Variants in UBQLN1 observed in about 807,000 individuals in gnomAD.
The protein encoded by UBQLN1 is ubiquilin-1.
UBQLN1 carries 13 observed loss-of-function variants against 65.4 expected under a neutral mutation model. That is an observed-to-expected ratio of 0.20 (90% CI 0.13 to 0.32). The LOEUF (loss-of-function observed/expected upper bound fraction) is 0.32, where lower values mean the gene tolerates loss of function less well. Among genes scored for constraint, UBQLN1 ranks in the 10% least tolerant of loss-of-function variants. The pLI is 1.00. For missense variants in UBQLN1, 561 were observed against 724.0 expected (o/e 0.77, Z 2.58); for synonymous variants, 267 against 247.8 (o/e 1.08, Z -0.73).
intron 1 of UBQLN1, among the ~76,000 whole-genome samples, chr9:83,695,201 CTTT>C (rs36072668): frequency 7.5e-6 from 1 of 133,444 alleles, no homozygotes; most frequent in Non-Finnish European, 1.6e-5. Flanking sequence ...GCCCTCCCAC[CTTT>C]TTTTTTTTTT....
At chr9:83,707,080 C>G (rs1832421637) in intron 1 of UBQLN1, among the ~76,000 whole-genome samples, 1 of 152,164 alleles carries the variant, frequency 6.6e-6, no homozygotes, top group African/African-American at 2.4e-5. Flanking sequence ...CCACCCACCC[C>G]TTTTTAATTC....
chr9:83,664,554 T>A (rs1376081288), intron 9 of UBQLN1, among the ~76,000 whole-genome samples: 1 of 151,410 alleles, frequency 6.6e-6, no homozygotes, highest in African/African-American at 2.4e-5. Flanking sequence ...AAGTTCAAGT[T>A]CAGCCAGGGT....
In UBQLN1 at chr9:83,707,611, A is replaced by C. The variant is rs892385855; in HGVS notation, c.69T>G (p.Ala23=). The change falls in exon 1 of 11, where the codon GCT becomes GCG. Residue 23 remains alanine (A), a synonymous_variant. Coordinates refer to ENST00000376395, the MANE Select transcript of UBQLN1 (RefSeq NM_013438.5). ...SQDSAAGAEG[A]GAPAAAASAE... Reference sequence around the variant, plus strand: ...CGGAGGCAGCGGCCGCGGGGGCGCCAGCACCTTCGGCTCCGGCGGCGCTAT... The same window carrying C: ...CGGAGGCAGCGGCCGCGGGGGCGCCCGCACCTTCGGCTCCGGCGGCGCTAT... 6.3e-7 allele frequency: 1 copy of C among 1,593,660 alleles called. No homozygotes were observed. Among genetic ancestry groups the C allele is most frequent in the South Asian group, 1.1e-5 (1 of 88,702 alleles).
At chr9:83,702,257 TAC>T (rs1338600423) in intron 1 of UBQLN1, among the ~76,000 whole-genome samples, 1 of 152,168 alleles carries the variant, frequency 6.6e-6, no homozygotes. Flanking sequence ...TTACATCAAT[TAC>T]AGACTTTAAA....
At chr9:83,669,831 C>A (rs1396660538) in intron 6 of UBQLN1, among the ~76,000 whole-genome samples, 2 of 152,300 alleles carry the variant, frequency 1.3e-5, no homozygotes, top group East Asian at 1.9e-4. Flanking sequence ...ATGGTAGGCA[C>A]ATTTAACATT....
At chr9:83,679,693 G>A (rs1831908242) in intron 4 of UBQLN1, 82 bp downstream of exon 4, 2 of 1,458,360 alleles carry the variant, frequency 1.4e-6, no homozygotes, top group Admixed American at 1.8e-5. Context: ...CATACATACA[G>A]GACAATCTCA....
chr9:83,703,764 C>T (rs191924424), intron 1 of UBQLN1, among the ~76,000 whole-genome samples: 1 of 152,240 alleles, frequency 6.6e-6, no homozygotes, highest in East Asian at 1.9e-4. Flanking sequence ...AAAGCTTAAG[C>T]TTTATTAGTA....
At chr9:83,669,100 C>T (rs946217151) in intron 7 of UBQLN1, 85 bp downstream of exon 7, 1 of 1,496,012 alleles carries the variant, frequency 6.7e-7, no homozygotes, top group South Asian at 1.3e-5. Flanking sequence ...TCATACACAA[C>T]ACAAATGTGC....
Position 83,700,655 on chromosome 9 carries a change from G to A in UBQLN1, c.180+6845C>T, listed in dbSNP as rs114242512. Among the ~76,000 whole-genome samples the A allele has an allele frequency of 1.5e-3, 235 of 152,306 alleles. 1 individual carries two copies. Among genetic ancestry groups the A allele is most frequent in the African/African-American group, 5.0e-3 (208 of 41,564 alleles). ...ACCTTTGCATTAAGATTTAAAGATG[G>A]AAAAGGAATGGGCAAAGAGTGTTCT... is the stretch of plus-strand genomic sequence containing the variant. On this transcript the variant is annotated intron_variant, in intron 1 of 10. Transcript: ENST00000376395.
intron 10 of UBQLN1, among the ~76,000 whole-genome samples, chr9:83,662,271 T>TACACACAC (rs545130983): frequency 8.8e-5 from 9 of 102,250 alleles, no homozygotes; most frequent in African/African-American, 3.6e-4. Flanking sequence ...TACATATACA[T>TACACACAC]ATACACACAC....
At chr9:83,703,020 T>G (rs1289704132) in intron 1 of UBQLN1, among the ~76,000 whole-genome samples, 1 of 152,108 alleles carries the variant, frequency 6.6e-6, no homozygotes, top group Admixed American at 6.5e-5. Context: ...ATAAGCTAAT[T>G]AGAAGTTACA....
At chr9:83,665,785 T>G (rs1331473651) in intron 8 of UBQLN1, among the ~76,000 whole-genome samples, 5 of 152,186 alleles carry the variant, frequency 3.3e-5, no homozygotes. Context: ...AAGACTGACT[T>G]CTCTTTTGTC....
At position 83,672,185 on chromosome 9, in the gene UBQLN1, C is replaced by T. The variant is rs567085222; in HGVS notation, c.1106-2858G>A. The stretch of plus-strand genomic sequence containing the variant: ...AAGGGAATAGTGTGGCTGGTGTGAT[C>T]GTCTATCCAGATCACTACAATTTTC... On this transcript the variant is annotated intron_variant, in intron 6 of 10. Coordinates refer to ENST00000376395, the MANE Select transcript of UBQLN1 (RefSeq NM_013438.5). Among the ~76,000 whole-genome samples, 15 of 152,268 alleles carry T rather than the reference C, an allele frequency of 9.9e-5. No individual in the cohort carries two copies. The East Asian group carries it at 2.9e-3, about 29-fold the overall frequency.
At chr9:83,667,650 T>A (rs1331218095) in intron 7 of UBQLN1, 1 of 985,258 alleles carries the variant, frequency 1.0e-6, no homozygotes, top group Non-Finnish European at 1.2e-6. Flanking sequence ...ATCACACATA[T>A]CTTTTGGAAT....
At chr9:83,676,375 C>G (rs1488288491) in intron 6 of UBQLN1, among the ~76,000 whole-genome samples, 2 of 152,148 alleles carry the variant, frequency 1.3e-5, no homozygotes, top group African/African-American at 4.8e-5. Context: ...AAAGTTATTA[C>G]TGTAGACAAT....
chr9:83,678,654 A>G, intron 4 of UBQLN1, 55 bp from the exon 5 acceptor site: 3 of 1,506,822 alleles, frequency 2.0e-6, no homozygotes, highest in Non-Finnish European at 2.7e-6. Context: ...ATACACATGA[A>G]TTACATTAAT....
intron 3 of UBQLN1, among the ~76,000 whole-genome samples, 163 bp downstream of exon 3, chr9:83,682,788 A>C (rs1226330870): frequency 1.3e-5 from 2 of 152,152 alleles, no homozygotes; most frequent in African/African-American, 4.8e-5. Context: ...CATATCCCCA[A>C]CTACTTCCTT....
chr9:83,683,444 T>C (rs1413515149), intron 2 of UBQLN1, among the ~76,000 whole-genome samples: 1 of 144,288 alleles, frequency 6.9e-6, no homozygotes, highest in East Asian at 2.1e-4. Flanking sequence ...AAAGAACCAC[T>C]GAAATCCTGA....
chr9:83,699,043 G>C (rs1281862756), intron 1 of UBQLN1, among the ~76,000 whole-genome samples: 2 of 152,040 alleles, frequency 1.3e-5, no homozygotes, highest in African/African-American at 4.8e-5. Flanking sequence ...GAAATACCTA[G>C]AGTAGTCAAA....
Sources: gnomAD v4.1 joint callset for allele counts (sites outside exome capture counted in the v4.1 genomes callset) on GRCh38, gnomAD v4.1.1 for gene constraint, MANE v1.5 for transcripts, NCBI Gene and HGNC (gene_info 2026-07-23, HGNC 2026-07-21) for gene names.